CDH13: variants seen among roughly 807,000 people sequenced by gnomAD.
CDH13 encodes the protein cadherin-13.
A neutral mutation model predicts 63.8 loss-of-function variants in CDH13; 24 were observed. That is an observed-to-expected ratio of 0.38 (90% CI 0.27 to 0.53). The LOEUF (loss-of-function observed/expected upper bound fraction) is 0.53, where lower values mean the gene tolerates loss of function less well. Ranked by LOEUF, CDH13 falls within the 20% of genes least tolerant of loss-of-function variation. CDH13 has a pLI of 0.85. For synonymous variants in CDH13, 503 were observed against 355.3 expected, an observed-to-expected ratio of 1.42 and a Z score of -4.67; for missense variants, 1,049 against 903.1, an observed-to-expected ratio of 1.16 and a Z score of -2.07.
chr16:83,204,130 A>C (rs879499689), intron 4 of CDH13, among the ~76,000 whole-genome samples: 1 of 152,118 alleles, frequency 6.6e-6, no homozygotes, highest in Admixed American at 6.5e-5. Context: ...TCCGATTGGG[A>C]GCTCTTCCAT....
intron 1 of CDH13, chr16:82,829,704 A>G (rs1238240325): frequency 2.6e-5 from 4 of 152,174 alleles, no homozygotes; most frequent in African/African-American, 9.7e-5. Flanking sequence ...GCGTTACAGA[A>G]CTAATTGCTT....
At chr16:83,514,891 A>G (rs1332154171) in intron 7 of CDH13, among the ~76,000 whole-genome samples, 1 of 152,032 alleles carries the variant, frequency 6.6e-6, no homozygotes, top group African/African-American at 2.4e-5. Context: ...TATTAGAGTA[A>G]ATTTCTGTTG....
chr16:83,043,349 A>C (rs1331777828), intron 3 of CDH13, among the ~76,000 whole-genome samples: 1 of 152,194 alleles, frequency 6.6e-6, no homozygotes, highest in Non-Finnish European at 1.5e-5. Context: ...TGAAAATTCT[A>C]AATTTTATTT....
intron 1 of CDH13, among the ~76,000 whole-genome samples, chr16:82,660,918 C>G (rs978309290): frequency 6.6e-6 from 1 of 151,180 alleles, no homozygotes; most frequent in Admixed American, 6.6e-5. Flanking sequence ...ATTTAACATT[C>G]ATTAAGTTTC....
At chr16:82,763,269 A>C (rs1307220931) in intron 1 of CDH13, among the ~76,000 whole-genome samples, 1 of 151,836 alleles carries the variant, frequency 6.6e-6, no homozygotes, top group African/African-American at 2.4e-5. Context: ...GTCTCCTATC[A>C]CTCTCTGTCC....
intron 5 of CDH13, among the ~76,000 whole-genome samples, chr16:83,313,666 A>AT (rs1555528954): frequency 0.099 from 14,308 of 143,890 alleles, 1,438 homozygotes; most frequent in East Asian, 0.28. Flanking sequence ...AAAAAAAAAA[A>AT]GGGAGGTCCT....
At chr16:83,389,154 A>G (rs2091736066) in intron 6 of CDH13, among the ~76,000 whole-genome samples, 1 of 152,168 alleles carries the variant, frequency 6.6e-6, no homozygotes, top group African/African-American at 2.4e-5. Flanking sequence ...AATCACTCAG[A>G]TTGCTTTTCA....
chr16:83,343,481 G>T (rs1430641883), intron 5 of CDH13, among the ~76,000 whole-genome samples: 3 of 152,162 alleles, frequency 2.0e-5, no homozygotes, highest in African/African-American at 7.2e-5. Context: ...ATAGGATCAG[G>T]AGTGGTATAA....
At chr16:83,379,873 A>G (rs1004887603) in intron 6 of CDH13, among the ~76,000 whole-genome samples, 1 of 150,300 alleles carries the variant, frequency 6.7e-6, no homozygotes, top group Non-Finnish European at 1.5e-5. Flanking sequence ...TTCTATAAAG[A>G]TTATATGTGT....
chr16:83,762,035 C>A (rs558347628), intron 11 of CDH13, among the ~76,000 whole-genome samples: 2 of 152,008 alleles, frequency 1.3e-5, no homozygotes, highest in Non-Finnish European at 2.9e-5. Flanking sequence ...GCACTCCAGC[C>A]TGGGTGACAG....
chr16:82,981,618 C>G (rs1910274269), intron 2 of CDH13, among the ~76,000 whole-genome samples: 1 of 152,142 alleles, frequency 6.6e-6, no homozygotes, highest in South Asian at 2.1e-4. Flanking sequence ...CAGGTGTTCT[C>G]CTTCCTTCTT....
intron 1 of CDH13, chr16:82,825,088 A>G (rs1453785922): frequency 1.3e-5 from 2 of 152,196 alleles, no homozygotes; most frequent in Non-Finnish European, 2.9e-5. Context: ...TGAGCGATGG[A>G]TACAGAGAAG....
intron 6 of CDH13, among the ~76,000 whole-genome samples, chr16:83,467,834 T>C (rs1233414563): frequency 6.6e-6 from 1 of 152,164 alleles, no homozygotes; most frequent in Non-Finnish European, 1.5e-5. Flanking sequence ...GGAGTCTTCC[T>C]GGGGTCCGAT....
At chr16:82,923,847 A>C (rs990156833) in intron 2 of CDH13, among the ~76,000 whole-genome samples, 2 of 152,230 alleles carry the variant, frequency 1.3e-5, no homozygotes, top group Non-Finnish European at 2.9e-5. Context: ...AATTTAAGAT[A>C]AAGAGAAAAT....
In CDH13 at chr16:83,593,584, T is replaced by G. The variant is rs148579919; in HGVS notation, c.961-8870T>G. On this transcript the variant is annotated intron_variant, in intron 7 of 13. Transcript: ENST00000567109. ...TTATATATTATATATAATTGTATAT[T>G]TATGTAATAGTGTATAAACATACAG... is the stretch of plus-strand genomic sequence containing the variant. Among the ~76,000 whole-genome samples the G allele has an allele frequency of 1.7e-3, 260 of 150,810 alleles. 1 individual carries two copies. The highest frequency in any genetic ancestry group is 6.2e-3 in the African/African-American group (254 of 41,268).
At chr16:83,731,020 T>C (rs1225552611) in intron 10 of CDH13, among the ~76,000 whole-genome samples, 1 of 152,250 alleles carries the variant, frequency 6.6e-6, no homozygotes, top group Non-Finnish European at 1.5e-5. Context: ...CTGCATAGTA[T>C]TCCATGGTAT....
At chr16:83,226,744 G>A (rs971373711) in intron 5 of CDH13, among the ~76,000 whole-genome samples, 1 of 152,154 alleles carries the variant, frequency 6.6e-6, no homozygotes, top group Non-Finnish European at 1.5e-5. Flanking sequence ...CAGGGAACAA[G>A]TTAAATAACG....
chr16:82,760,027 G>A (rs1264777453), intron 1 of CDH13, among the ~76,000 whole-genome samples: 1 of 152,124 alleles, frequency 6.6e-6, no homozygotes, highest in East Asian at 1.9e-4. Flanking sequence ...ATAATTATGT[G>A]ATTACAAAGT....
intron 6 of CDH13, among the ~76,000 whole-genome samples, chr16:83,410,677 C>G (rs2092112897): frequency 6.6e-6 from 1 of 152,032 alleles, no homozygotes; most frequent in African/African-American, 2.4e-5. Context: ...ATATATGCTA[C>G]TCATAGAAAT....
Sources: allele counts gnomAD v4.1 joint callset (sites outside exome capture counted in the v4.1 genomes callset), GRCh38; gene constraint gnomAD v4.1.1; transcripts MANE v1.5; gene names NCBI Gene and HGNC (gene_info 2026-07-23, HGNC 2026-07-21).